The following IMMP2L variants were observed in gnomAD, a reference collection of about 807,000 sequenced individuals.
IMMP2L encodes the protein inner mitochondrial membrane peptidase subunit 2.
In IMMP2L, 18 loss-of-function variants were observed where a neutral mutation model predicts 19.3. The ratio of observed to expected loss-of-function variants is 0.93; its 90% CI spans 0.64 to 1.38. The LOEUF (loss-of-function observed/expected upper bound fraction) is 1.38. Ranked by LOEUF, IMMP2L falls within the 40% of genes most tolerant of loss-of-function variation. The pLI is 0.00. For synonymous variants in IMMP2L, 76 were observed against 73.0 expected, an observed-to-expected ratio of 1.04 and a Z score of -0.21; for missense variants, 233 against 218.2, an observed-to-expected ratio of 1.07 and a Z score of -0.43.
intron 3 of IMMP2L, among the ~76,000 whole-genome samples, chr7:111,444,895 A>G (rs1838152254): frequency 6.6e-6 from 1 of 152,104 alleles, no homozygotes; most frequent in Admixed American, 6.6e-5. Context: ...CATAATATCT[A>G]TTGGAGACAT....
intron 3 of IMMP2L, among the ~76,000 whole-genome samples, chr7:111,356,200 T>G (rs1025413117): frequency 1.3e-5 from 2 of 152,052 alleles, no homozygotes; most frequent in Non-Finnish European, 2.9e-5. Flanking sequence ...ATTTGACTCA[T>G]TCAACATGTT....
intron 5 of IMMP2L, among the ~76,000 whole-genome samples, chr7:110,718,890 T>C (rs1795394514): frequency 6.6e-6 from 1 of 152,130 alleles, no homozygotes; most frequent in African/African-American, 2.4e-5. Flanking sequence ...AAAATGCTAA[T>C]ATTTGTCTGG....
chr7:111,164,161 A>C (rs895669502), intron 3 of IMMP2L, among the ~76,000 whole-genome samples: 5 of 150,206 alleles, frequency 3.3e-5, no homozygotes, highest in South Asian at 4.2e-4. Context: ...GGAAGGAAGG[A>C]AGGCAGGAAG....
chr7:110,691,227 C>T (rs1223779614), intron 5 of IMMP2L, among the ~76,000 whole-genome samples: 1 of 152,014 alleles, frequency 6.6e-6, no homozygotes, highest in Non-Finnish European at 1.5e-5. Context: ...GAAAGGACAC[C>T]CTATGTCATA....
chr7:111,193,306 T>C (rs1243662599), intron 3 of IMMP2L, among the ~76,000 whole-genome samples: 1 of 152,146 alleles, frequency 6.6e-6, no homozygotes, highest in African/African-American at 2.4e-5. Flanking sequence ...AGGTATGCTC[T>C]TGACAGTGGG....
chr7:111,030,169 T>C (rs1827255958), intron 3 of IMMP2L, among the ~76,000 whole-genome samples: 1 of 152,186 alleles, frequency 6.6e-6, no homozygotes, highest in African/African-American at 2.4e-5. Flanking sequence ...GAGTTCAGGA[T>C]TGAACCTATT....
chr7:111,196,727 T>C (rs2129614367), intron 3 of IMMP2L, among the ~76,000 whole-genome samples: 1 of 152,316 alleles, frequency 6.6e-6, no homozygotes, highest in African/African-American at 2.4e-5. Flanking sequence ...CCATAAATAA[T>C]CATTGTTAAT....
intron 3 of IMMP2L, among the ~76,000 whole-genome samples, chr7:111,143,236 T>C (rs1803126588): frequency 6.6e-6 from 1 of 152,198 alleles, no homozygotes; most frequent in Non-Finnish European, 1.5e-5. Flanking sequence ...ACTGTATAAA[T>C]ATTAAATGCA....
Position 111,497,446 on chromosome 7 carries a change from T to A in IMMP2L, c.136-10105A>T, listed in dbSNP as rs148434697. 3.9e-5 allele frequency among the ~76,000 whole-genome samples: 6 copies of A among 152,244 alleles called. No individual in the cohort carries two copies. The East Asian group carries it at 9.6e-4, about 24-fold the overall frequency. ...TAATAGGAAACTGATTAAACCTTGGTTTAGCAATGGTTAAACTTTATGGAT... is the reference window on the plus strand; with the variant it reads ...TAATAGGAAACTGATTAAACCTTGGATTAGCAATGGTTAAACTTTATGGAT... On this transcript the variant is annotated intron_variant, in intron 2 of 5. Transcript: ENST00000405709.
At chr7:110,690,081 A>G (rs1793387082) in intron 5 of IMMP2L, among the ~76,000 whole-genome samples, 1 of 152,198 alleles carries the variant, frequency 6.6e-6, no homozygotes, top group Admixed American at 6.5e-5. Context: ...CTGAGGGGTC[A>G]GGACTTTCAG....
intron 3 of IMMP2L, among the ~76,000 whole-genome samples, chr7:111,339,240 T>C (rs904712714): frequency 6.6e-6 from 1 of 151,652 alleles, no homozygotes; most frequent in Non-Finnish European, 1.5e-5. Flanking sequence ...GCTTAGAACA[T>C]CAAATTCAAT....
intron 5 of IMMP2L, among the ~76,000 whole-genome samples, chr7:110,746,417 C>T (rs1286139284): frequency 1.3e-5 from 2 of 152,198 alleles, no homozygotes; most frequent in Non-Finnish European, 2.9e-5. Flanking sequence ...TAGTAGACAT[C>T]TACAGAACTC....
At chr7:110,703,088 C>T (rs1361009207) in intron 5 of IMMP2L, among the ~76,000 whole-genome samples, 3 of 151,988 alleles carry the variant, frequency 2.0e-5, no homozygotes, top group Admixed American at 2.0e-4. Flanking sequence ...TTATAGGTAC[C>T]TTTTTCAGAA....
intron 3 of IMMP2L, among the ~76,000 whole-genome samples, chr7:111,250,466 A>G (rs1815970916): frequency 6.6e-6 from 1 of 152,206 alleles, no homozygotes; most frequent in African/African-American, 2.4e-5. Flanking sequence ...AAGCAAAAAG[A>G]ACAAAGCTGG....
At chr7:111,474,733 T>C (rs997018068) in intron 3 of IMMP2L, among the ~76,000 whole-genome samples, 3 of 152,128 alleles carry the variant, frequency 2.0e-5, no homozygotes, top group African/African-American at 7.2e-5. Context: ...TGTTAATACA[T>C]TCTTTACCTT....
chr7:111,494,457 C>G (rs970033303), intron 2 of IMMP2L, among the ~76,000 whole-genome samples: 2 of 152,166 alleles, frequency 1.3e-5, no homozygotes, highest in African/African-American at 4.8e-5. Flanking sequence ...CTGTCTGTCT[C>G]TCTCAACAAC....
At chr7:111,361,397 A>G (rs1283072125) in intron 3 of IMMP2L, among the ~76,000 whole-genome samples, 1 of 152,154 alleles carries the variant, frequency 6.6e-6, no homozygotes, top group Non-Finnish European at 1.5e-5. Context: ...AGTAATTTAT[A>G]TATAATTATA....
intron 3 of IMMP2L, among the ~76,000 whole-genome samples, chr7:111,003,849 T>C (rs1471907529): frequency 6.6e-6 from 1 of 152,192 alleles, no homozygotes; most frequent in African/African-American, 2.4e-5. Context: ...GTGTTCTTTC[T>C]CCACCCCATT....
Position 110,746,265 on chromosome 7 carries a change from A to G in IMMP2L, c.409-82544T>C, listed in dbSNP as rs188913173. On this transcript the variant is annotated intron_variant, in intron 5 of 5. Coordinates refer to ENST00000405709, the MANE Select transcript of IMMP2L (RefSeq NM_032549.4). ...ACCCAGATTCATGAAGCAAGTTCTT[A>G]GAGACCTATCTAGAGACTTAGACTC... Among the ~76,000 whole-genome samples the G allele has an allele frequency of 1.8e-3, 269 of 152,318 alleles. 1 individual carries two copies. Among genetic ancestry groups the G allele is most frequent in the Non-Finnish European group, 3.2e-3 (219 of 68,024 alleles).
Sources: allele counts gnomAD v4.1 joint callset (sites outside exome capture counted in the v4.1 genomes callset), GRCh38; gene constraint gnomAD v4.1.1; transcripts MANE v1.5; gene names NCBI Gene and HGNC (gene_info 2026-07-23, HGNC 2026-07-21).